The following CPXM2 variants were observed in gnomAD, a reference collection of about 807,000 sequenced individuals.
CPXM2 encodes inactive carboxypeptidase-like protein X2.
Under a neutral mutation model 86.1 loss-of-function variants are expected in CPXM2, and 66 were observed. The ratio of observed to expected loss-of-function variants is 0.77; its 90% CI spans 0.63 to 0.94. The LOEUF (loss-of-function observed/expected upper bound fraction) is 0.94. CPXM2 is among the 40% of genes least tolerant of loss of function. The probability of loss-of-function intolerance (pLI) is 0.00; values close to 1 mark genes in which losing one functional copy is unlikely to be tolerated. For synonymous variants in CPXM2, 388 were observed against 400.2 expected, an observed-to-expected ratio of 0.97 and a Z score of 0.36; for missense variants, 948 against 1,026.3, an observed-to-expected ratio of 0.92 and a Z score of 1.04.
intron 11 of CPXM2, 40 bp from the exon 12 acceptor site, chr10:123,757,392 T>A: frequency 6.3e-7 from 1 of 1,582,166 alleles, no homozygotes; most frequent in Non-Finnish European, 8.7e-7. Context: ...TGAACAATAC[T>A]CAAAATGGCA....
At chr10:123,879,438 C>A (rs1206205652) in intron 2 of CPXM2, among the ~76,000 whole-genome samples, 2 of 152,138 alleles carry the variant, frequency 1.3e-5, no homozygotes, top group South Asian at 4.1e-4. Context: ...TATGCACATT[C>A]CCATGTCTCA....
intron 2 of CPXM2, among the ~76,000 whole-genome samples, chr10:123,905,089 G>C (rs969537727): frequency 1.3e-5 from 2 of 152,154 alleles, no homozygotes; most frequent in Non-Finnish European, 2.9e-5. Context: ...TGCATTCCAA[G>C]TGGAGCTTCC....
chr10:123,863,896 T>C (rs1848918013), intron 2 of CPXM2, among the ~76,000 whole-genome samples: 4 of 152,168 alleles, frequency 2.6e-5, no homozygotes, highest in Admixed American at 1.3e-4. Context: ...CATTCGCCTC[T>C]TGGAGCTCAC....
chr10:123,883,615 A>C (rs1211307928), intron 1 of CPXM2, among the ~76,000 whole-genome samples: 1 of 152,252 alleles, frequency 6.6e-6, no homozygotes, highest in Non-Finnish European at 1.5e-5. Context: ...TAATGTGCAT[A>C]GCATGGTTCA....
At chr10:123,930,619 G>A (rs927719221) in intron 2 of CPXM2, among the ~76,000 whole-genome samples, 1 of 152,212 alleles carries the variant, frequency 6.6e-6, no homozygotes, top group Non-Finnish European at 1.5e-5. Context: ...CCAGAAGCAG[G>A]TTGATGAGCT....
At chr10:123,769,785 G>A (rs764790187) in intron 8 of CPXM2, among the ~76,000 whole-genome samples, 3 of 152,106 alleles carry the variant, frequency 2.0e-5, no homozygotes, top group South Asian at 4.1e-4. Context: ...CCAGCTTCCC[G>A]AACTGTGAGC....
At chr10:123,856,503 A>T (rs1848727340) in intron 3 of CPXM2, among the ~76,000 whole-genome samples, 1 of 152,214 alleles carries the variant, frequency 6.6e-6, no homozygotes, top group Admixed American at 6.5e-5. Context: ...ATGAGCTGCC[A>T]TTAGATGACC....
intron 4 of CPXM2, among the ~76,000 whole-genome samples, chr10:123,803,969 A>G (rs1473218710): frequency 6.6e-6 from 1 of 152,096 alleles, no homozygotes; most frequent in Non-Finnish European, 1.5e-5. Flanking sequence ...CCCAAGATAC[A>G]TGGTTTTCTA....
At chr10:123,846,330 T>C (rs1848494489) in intron 3 of CPXM2, among the ~76,000 whole-genome samples, 1 of 152,206 alleles carries the variant, frequency 6.6e-6, no homozygotes, top group Non-Finnish European at 1.5e-5. Flanking sequence ...CATCAGGCAT[T>C]AGATTCTCAT....
At chr10:123,895,823 A>G (rs1000402156), upstream of CPXM2, among the ~76,000 whole-genome samples, 1 of 152,152 alleles carries the variant, frequency 6.6e-6, no homozygotes, top group Non-Finnish European at 1.5e-5. Context: ...AATCCCCCCC[A>G]GTTTCTGAGT....
chr10:123,802,280 A>G (rs1847475342), intron 4 of CPXM2, among the ~76,000 whole-genome samples: 1 of 152,204 alleles, frequency 6.6e-6, no homozygotes. Context: ...CCACCATAAT[A>G]GAATGCTTGC....
chr10:123,770,813 A>T, intron 8 of CPXM2, 103 bp downstream of exon 8: 1 of 1,278,142 alleles, frequency 7.8e-7, no homozygotes, highest in Non-Finnish European at 1.1e-6. Flanking sequence ...TGGACAGCTG[A>T]TGCCCTGTGG....
At chr10:123,853,333 G>A (rs775794719) in intron 3 of CPXM2, among the ~76,000 whole-genome samples, 4 of 152,318 alleles carry the variant, frequency 2.6e-5, no homozygotes, top group Non-Finnish European at 5.9e-5. Context: ...ATAGCAGTGA[G>A]AGAATGGACT....
intron 2 of CPXM2, among the ~76,000 whole-genome samples, chr10:123,879,718 C>T (rs180951380): frequency 3.0e-4 from 46 of 152,202 alleles, no homozygotes; most frequent in African/African-American, 1.0e-3. Flanking sequence ...CAAAATAATA[C>T]CTTTGAACAT....
At chr10:123,765,660 A>G (rs76120771) in intron 10 of CPXM2, among the ~76,000 whole-genome samples, 300 of 152,348 alleles carry the variant, frequency 2.0e-3, no homozygotes, top group African/African-American at 6.8e-3. Flanking sequence ...GGGCCTCCCT[A>G]GTCTACTGCC....
At chr10:123,868,691 T>G (rs894341805) in intron 2 of CPXM2, among the ~76,000 whole-genome samples, 1 of 151,926 alleles carries the variant, frequency 6.6e-6, no homozygotes, top group African/African-American at 2.4e-5. Context: ...ATTTGGAAAA[T>G]GTACCCTACT....
chr10:123,794,366 G>A (rs1469146502), intron 6 of CPXM2, among the ~76,000 whole-genome samples: 1 of 152,162 alleles, frequency 6.6e-6, no homozygotes, highest in Non-Finnish European at 1.5e-5. Flanking sequence ...CTCAAGCACT[G>A]CCACCCCAGT....
chr10:123,859,682 G>T (rs534777197), intron 3 of CPXM2, among the ~76,000 whole-genome samples: 45 of 152,324 alleles, frequency 3.0e-4, no homozygotes, highest in South Asian at 8.3e-4. Context: ...TAAATAAGAT[G>T]CCCCTGAAGA....
At chr10:123,830,593 T>A (rs1273469817) in intron 4 of CPXM2, among the ~76,000 whole-genome samples, 2 of 152,152 alleles carry the variant, frequency 1.3e-5, no homozygotes, top group Non-Finnish European at 2.9e-5. Context: ...TTTAGGCCAG[T>A]TCTCTGCTGG....
Sources: allele counts gnomAD v4.1 joint callset (sites outside exome capture counted in the v4.1 genomes callset), GRCh38; gene constraint gnomAD v4.1.1; transcripts MANE v1.5; gene names NCBI Gene and HGNC (gene_info 2026-07-23, HGNC 2026-07-21).